Variants in NTM observed in about 807,000 individuals in gnomAD.
NTM encodes the protein IgLON family member 2.
Under a neutral mutation model 42.1 loss-of-function variants are expected in NTM, and 13 were observed. The observed-to-expected ratio is 0.31, with a 90% CI of 0.20 to 0.49. The LOEUF is 0.49. Ranked by LOEUF, NTM falls within the 20% of genes least tolerant of loss-of-function variation. NTM has a pLI of 0.99. For synonymous variants in NTM, 187 were observed against 179.2 expected (o/e 1.04, Z -0.35); for missense variants, 373 against 452.8 (o/e 0.82, Z 1.60).
chr11:131,474,295 C>T (rs1351228430), intron 1 of NTM, among the ~76,000 whole-genome samples: 1 of 152,150 alleles, frequency 6.6e-6, no homozygotes, highest in East Asian at 1.9e-4. Context: ...GCTCCTGTGG[C>T]CCATTCCCCT....
rs566740306 is a variant in NTM, at chr11:131,645,653, A to AT, written c.83-265902dup. ...TTCTAGTTCTTACGCCTTTATGTCC[A>AT]TTTTTTTTTACTTATTAGTACATTG... On this transcript the variant is annotated intron_variant, in intron 1 of 8. Transcript: ENST00000683400. Among the ~76,000 whole-genome samples, 671 of 151,502 alleles carry AT rather than the reference A, an allele frequency of 4.4e-3. 1 individual carries two copies. The highest frequency in any genetic ancestry group is 0.015 in the African/African-American group (613 of 41,280).
chr11:131,621,187 T>C (rs998721424), intron 1 of NTM, among the ~76,000 whole-genome samples: 1 of 152,198 alleles, frequency 6.6e-6, no homozygotes, highest in Non-Finnish European at 1.5e-5. Flanking sequence ...GCCCAGGTAT[T>C]AATTTACGTC....
chr11:132,104,248 C>T (rs1591533941), intron 2 of NTM, among the ~76,000 whole-genome samples: 1 of 152,238 alleles, frequency 6.6e-6, no homozygotes, highest in African/African-American at 2.4e-5. Flanking sequence ...GGCTGTGCCG[C>T]ATGAGGCTAT....
At chr11:131,790,504 T>G (rs774772829) in intron 1 of NTM, among the ~76,000 whole-genome samples, 1 of 152,194 alleles carries the variant, frequency 6.6e-6, no homozygotes, top group Admixed American at 6.5e-5. Context: ...ACATTTCCTT[T>G]TACCCTCATG....
At chr11:132,109,584 C>T (rs998124126) in intron 2 of NTM, among the ~76,000 whole-genome samples, 23 of 152,036 alleles carry the variant, frequency 1.5e-4, no homozygotes, top group African/African-American at 5.6e-4. Context: ...TACTTAAAAT[C>T]CAGTCTACTT....
Position 132,170,528 on chromosome 11 carries a change from TAAAA to T in NTM, c.400+24018_400+24021del, listed in dbSNP as rs35087488. On this transcript the variant is annotated intron_variant, in intron 3 of 8. Coordinates refer to ENST00000683400, the MANE Select transcript of NTM (RefSeq NM_001352005.2). ...GGATAAGCTGAATCTTTTGTAATGA[TAAAA>T]AAAGTCCTTGGCATTTAATTAAGAG... Among the ~76,000 whole-genome samples the T allele has an allele frequency of 2.6e-5, 4 of 152,182 alleles. No individual in the cohort carries two copies. The East Asian group carries it at 5.8e-4, about 22-fold the overall frequency.
Position 131,862,996 on chromosome 11 carries a change from C to A in NTM, c.83-48568C>A, listed in dbSNP as rs368178279. 5.3e-5 allele frequency among the ~76,000 whole-genome samples: 8 copies of A among 152,270 alleles called. 1 individual carries two copies. The East Asian group carries it at 9.6e-4, about 18-fold the overall frequency. ...AAAACGAGGAAGCTGAGGAGGCTTCCCTTGGGTAGTACAAGAACAAGACAT... is the reference window on the plus strand; with the variant it reads ...AAAACGAGGAAGCTGAGGAGGCTTCACTTGGGTAGTACAAGAACAAGACAT... On this transcript the variant is annotated intron_variant, in intron 1 of 8. Transcript: ENST00000683400.
intron 2 of NTM, among the ~76,000 whole-genome samples, chr11:132,038,820 C>T (rs1362860060): frequency 2.0e-5 from 3 of 152,182 alleles, no homozygotes; most frequent in Non-Finnish European, 4.4e-5. Context: ...GCCTTCCTCA[C>T]GTCCCTGTGT....
At chr11:132,154,494 A>G (rs183520786) in intron 3 of NTM, among the ~76,000 whole-genome samples, 31 of 152,342 alleles carry the variant, frequency 2.0e-4, no homozygotes, top group African/African-American at 7.0e-4. Flanking sequence ...TGAATTTGTA[A>G]TAATGATTCT....
chr11:132,163,270 T>C (rs1038462265), intron 3 of NTM, among the ~76,000 whole-genome samples: 5 of 152,130 alleles, frequency 3.3e-5, no homozygotes, highest in Admixed American at 3.3e-4. Flanking sequence ...CAGGCTGGGG[T>C]CCTTTCCTAG....
intron 1 of NTM, among the ~76,000 whole-genome samples, chr11:131,733,518 C>CCTTCCTTCCTTT (rs2079996090): frequency 1.1e-5 from 1 of 91,606 alleles, no homozygotes; most frequent in East Asian, 2.7e-4. Context: ...TTCCTTCCTT[C>CCTTCCTTCCTTT]CTTTCTTTCT....
In NTM at chr11:132,289,472, G is replaced by A. The variant is rs570743676; in HGVS notation, c.527-18217G>A. 5.9e-5 allele frequency among the ~76,000 whole-genome samples: 9 copies of A among 152,122 alleles called. No individual in the cohort carries two copies. The South Asian group carries it at 8.3e-4, about 14-fold the overall frequency. On this transcript the variant is annotated intron_variant, in intron 4 of 8. Transcript: ENST00000683400. ...TTCCTTTCTTGAGCTCCTTCTCTCC[G>A]TGATTTCCCCCTGCTCTCCAGCTCC...
intron 3 of NTM, among the ~76,000 whole-genome samples, chr11:132,175,196 C>T (rs77338604): frequency 0.016 from 2,359 of 152,130 alleles, 64 homozygotes; most frequent in African/African-American, 0.053. Context: ...TGGTTCTCAG[C>T]AATGGTGTTG....
Position 132,099,790 on chromosome 11 carries a change from G to A in NTM, c.168-46492G>A, listed in dbSNP as rs377205744. 5.8e-4 allele frequency among the ~76,000 whole-genome samples: 88 copies of A among 152,324 alleles called. 1 individual carries two copies. The South Asian group carries it at 0.018, about 31-fold the overall frequency. ...AATGTACCCTTTGAGGAGAAGGTCA[G>A]GTGCTTTCTCACATAAAAAGCATTG... is the stretch of plus-strand genomic sequence containing the variant. On this transcript the variant is annotated intron_variant, in intron 2 of 8. Coordinates refer to ENST00000683400, the MANE Select transcript of NTM (RefSeq NM_001352005.2).
At chr11:132,211,123 A>G (rs1046958240) in intron 3 of NTM, among the ~76,000 whole-genome samples, 1 of 152,266 alleles carries the variant, frequency 6.6e-6, no homozygotes, top group African/African-American at 2.4e-5. Context: ...AGAAAGTGGC[A>G]TTTGCTTTGG....
chr11:132,210,660 G>T (rs2082690553), intron 3 of NTM, among the ~76,000 whole-genome samples: 1 of 152,162 alleles, frequency 6.6e-6, no homozygotes, highest in Admixed American at 6.5e-5. Flanking sequence ...GTTTACTAGT[G>T]GTAAAGCTGA....
At chr11:132,285,274 A>T (rs1458621592) in intron 4 of NTM, among the ~76,000 whole-genome samples, 4 of 152,168 alleles carry the variant, frequency 2.6e-5, no homozygotes, top group Non-Finnish European at 5.9e-5. Flanking sequence ...CCTGGTTCTC[A>T]TGCCCACCAG....
In NTM at chr11:132,335,374, G is replaced by A. The variant is rs2095864740; in HGVS notation, c.*228G>A. On this transcript the variant is annotated 3_prime_UTR_variant, in exon 9 of 9. Coordinates refer to ENST00000683400, the MANE Select transcript of NTM (RefSeq NM_001352005.2). ...CTTGCAGATATTTAGGTACAATGGAGTTTTCTTTTCCCAAACGGGAAGAAC... is the reference window on the plus strand; with the variant it reads ...CTTGCAGATATTTAGGTACAATGGAATTTTCTTTTCCCAAACGGGAAGAAC... The A allele has an allele frequency of 1.9e-6, 1 of 518,068 alleles. No individual in the cohort carries two copies. The highest frequency in any genetic ancestry group is 3.4e-6 in the Non-Finnish European group (1 of 293,962). The allele number at this position is 518,068 out of a possible 1,614,324, so 32.1% of individuals were successfully genotyped here. A position where few individuals can be genotyped will look rare whatever the true frequency, so the allele number is the denominator to read the frequency against.
At chr11:131,401,802 A>ATATATATATATATATATATATATATGTG (rs1945171241) in intron 1 of NTM, among the ~76,000 whole-genome samples, 1 of 1,770 alleles carries the variant, frequency 5.6e-4, no homozygotes, top group Non-Finnish European at 1.1e-3. Context: ...CACTGGAAAT[A>ATATATATATATATATATATATATATGTG]TATATATATA....
Sources: gnomAD v4.1 joint callset for allele counts (sites outside exome capture counted in the v4.1 genomes callset) on GRCh38, gnomAD v4.1.1 for gene constraint, MANE v1.5 for transcripts, NCBI Gene and HGNC (gene_info 2026-07-23, HGNC 2026-07-21) for gene names.